Variants in CCDC3 observed in about 807,000 individuals in gnomAD.
CCDC3 encodes coiled-coil domain containing 3, also known as coiled-coil domain-containing protein 3.
A neutral mutation model predicts 21.4 loss-of-function variants in CCDC3; 24 were observed. The observed-to-expected ratio is 1.12, with a 90% CI of 0.81 to 1.58. CCDC3 has a LOEUF of 1.58. Among genes scored for constraint, CCDC3 ranks in the 40% most tolerant of loss-of-function variants. The pLI is 0.00. For synonymous variants in CCDC3, 186 were observed against 166.0 expected (o/e 1.12, Z -0.93); for missense variants, 425 against 360.9 (o/e 1.18, Z -1.44).
At chr10:13,041,778 A>G (rs2580901) in intron 5 of CCDC3, among the ~76,000 whole-genome samples, 67,195 of 149,742 alleles carry the variant, frequency 0.45, 16,394 homozygotes, top group East Asian at 0.67. Context: ...GTGAACCACC[A>G]TGCCCAGCCC....
At chr10:12,945,659 T>G (rs1183865068) in intron 2 of CCDC3, among the ~76,000 whole-genome samples, 1 of 152,186 alleles carries the variant, frequency 6.6e-6, no homozygotes, top group Non-Finnish European at 1.5e-5. Context: ...TAAGATAGGG[T>G]AAAAGGTTTT....
intron 2 of CCDC3, among the ~76,000 whole-genome samples, chr10:12,900,720 C>T (rs1320897868): frequency 6.7e-6 from 1 of 148,996 alleles, no homozygotes; most frequent in Admixed American, 6.7e-5. Context: ...CAAACTCCAT[C>T]GAGCCCCACT....
chr10:12,899,412 C>T (rs1834060196), intron 2 of CCDC3, among the ~76,000 whole-genome samples: 1 of 152,166 alleles, frequency 6.6e-6, no homozygotes, highest in South Asian at 2.1e-4. Context: ...CAATCTGGCT[C>T]TGTCAAAATA....
At chr10:13,074,828 G>C (rs540355527) in intron 3 of CCDC3, among the ~76,000 whole-genome samples, 1 of 152,278 alleles carries the variant, frequency 6.6e-6, no homozygotes, top group East Asian at 1.9e-4. Context: ...TCCAGGAGGA[G>C]AAACCATTTT....
intron 5 of CCDC3, among the ~76,000 whole-genome samples, chr10:13,020,080 T>A (rs1425484800): frequency 6.6e-6 from 1 of 152,220 alleles, no homozygotes; most frequent in African/African-American, 2.4e-5. Context: ...ACTAGGACCT[T>A]GGAAAATACT....
In CCDC3 at chr10:13,001,508, G is replaced by GGC; in HGVS notation, c.61_62dup (p.Cys22ProfsTer11). 1 of 1,328,368 alleles carries GGC rather than the reference G, an allele frequency of 7.5e-7. No individual in the cohort carries two copies. Among genetic ancestry groups the GGC allele is most frequent in the East Asian group, 3.1e-5 (1 of 31,958 alleles). The allele number at this position is 1,328,368 out of a possible 1,614,324, so 82.3% of individuals were successfully genotyped here. On this transcript the variant is annotated frameshift_variant, in exon 1 of 3. Transcript: ENST00000378825. LOFTEE classifies it high-confidence loss of function. ...GCCTCCACTCGGAGGGCAGCTGGCA[G>GGC]GCGCGCGCGGGCGCTGGGGGACCCG...
upstream of CCDC3, among the ~76,000 whole-genome samples, chr10:13,002,392 T>G (rs1172873558): frequency 6.6e-6 from 1 of 152,152 alleles, no homozygotes; most frequent in African/African-American, 2.4e-5. Flanking sequence ...TGTTTTGTTT[T>G]TTGTTTTTTT....
intron 5 of CCDC3, among the ~76,000 whole-genome samples, chr10:13,011,105 T>G (rs922183060): frequency 1.3e-5 from 2 of 149,190 alleles, no homozygotes; most frequent in Non-Finnish European, 3.0e-5. Context: ...TGCTTGAACC[T>G]GGGAGGCAGA....
chr10:12,917,133 G>A (rs566519240), intron 2 of CCDC3, among the ~76,000 whole-genome samples: 59 of 150,254 alleles, frequency 3.9e-4, no homozygotes, highest in African/African-American at 1.4e-3. Context: ...ATACTGTGCT[G>A]CCCGGGGTTG....
In CCDC3 at chr10:12,912,490, T is replaced by C. The variant is rs570176343; in HGVS notation, c.550-13811A>G. Among the ~76,000 whole-genome samples the C allele has an allele frequency of 3.3e-5, 5 of 152,254 alleles. No individual in the cohort carries two copies. In the South Asian group the frequency reaches 1.0e-3, roughly 32 times the overall value. ...GGTTGTTGGCTTTCTTGCTGTTGGG[T>C]GTTTGGTTTCTTTTGGTTATTAACC... On this transcript the variant is annotated intron_variant, in intron 2 of 2. Transcript: ENST00000378825.
intron 2 of CCDC3, among the ~76,000 whole-genome samples, chr10:12,923,000 T>C (rs17501418): frequency 0.053 from 8,004 of 152,268 alleles, 233 homozygotes; most frequent in Non-Finnish European, 0.071. Flanking sequence ...TGAGATAAGA[T>C]AATCCCTTGA....
intron 4 of CCDC3, among the ~76,000 whole-genome samples, chr10:13,050,225 G>A (rs1156786423): frequency 6.6e-6 from 1 of 152,100 alleles, no homozygotes; most frequent in African/African-American, 2.4e-5. Context: ...TTTGCAGCCT[G>A]TGTGTGTGTC....
chr10:13,024,883 A>G (rs1381310810), intron 5 of CCDC3, among the ~76,000 whole-genome samples: 1 of 152,156 alleles, frequency 6.6e-6, no homozygotes, highest in Non-Finnish European at 1.5e-5. Context: ...CCGGCTTCCC[A>G]TAGGAATCTC....
chr10:13,073,682 T>C (rs1459286487), intron 4 of CCDC3, among the ~76,000 whole-genome samples: 1 of 152,080 alleles, frequency 6.6e-6, no homozygotes, highest in African/African-American at 2.4e-5. Context: ...AGACAGGGTT[T>C]CTCAATGTTG....
At chr10:13,035,610 G>C (rs1157524312) in intron 5 of CCDC3, among the ~76,000 whole-genome samples, 19 of 152,122 alleles carry the variant, frequency 1.2e-4, no homozygotes, top group Non-Finnish European at 1.5e-5. Flanking sequence ...TGTTCTGCTT[G>C]TTTAATTCAT....
At chr10:12,998,239 CT>C in intron 2 of CCDC3, 98 bp downstream of exon 2, 1 of 1,357,704 alleles carries the variant, frequency 7.4e-7, no homozygotes. Flanking sequence ...CTGATCTGGG[CT>C]TTTGGAAGAG....
chr10:12,936,012 C>G (rs974649046), intron 2 of CCDC3, among the ~76,000 whole-genome samples: 11 of 152,018 alleles, frequency 7.2e-5, no homozygotes, highest in African/African-American at 2.7e-4. Context: ...ACTTATCTGT[C>G]AGATCAATGA....
At chr10:13,087,023 C>G (rs1239865713) in intron 3 of CCDC3, among the ~76,000 whole-genome samples, 1 of 152,216 alleles carries the variant, frequency 6.6e-6, no homozygotes, top group Non-Finnish European at 1.5e-5. Context: ...ATCTTCTCAG[C>G]TGTATCCTAA....
chr10:13,050,870 T>C (rs1017982717), intron 4 of CCDC3, among the ~76,000 whole-genome samples: 3 of 152,120 alleles, frequency 2.0e-5, no homozygotes, highest in Non-Finnish European at 4.4e-5. Context: ...CATTGCAGCC[T>C]CAACCTCCTG....
Sources: gnomAD v4.1 joint callset for allele counts (sites outside exome capture counted in the v4.1 genomes callset) on GRCh38, gnomAD v4.1.1 for gene constraint, MANE v1.5 for transcripts, NCBI Gene and HGNC (gene_info 2026-07-23, HGNC 2026-07-21) for gene names.